Variants in SUGCT observed in about 807,000 individuals in gnomAD.
SUGCT encodes the protein succinyl-CoA:glutarate-CoA transferase.
SUGCT carries 41 observed loss-of-function variants against 55.0 expected under a neutral mutation model. The ratio of observed to expected loss-of-function variants is 0.74; its 90% CI spans 0.58 to 0.97. The LOEUF (loss-of-function observed/expected upper bound fraction) is 0.97. Among genes scored for constraint, SUGCT ranks in the 50% least tolerant of loss-of-function variants. The probability of loss-of-function intolerance (pLI) is 0.00; values close to 1 mark genes in which losing one functional copy is unlikely to be tolerated. For synonymous variants in SUGCT, 187 were observed against 200.4 expected, an observed-to-expected ratio of 0.93 and a Z score of 0.56; for missense variants, 568 against 547.8, an observed-to-expected ratio of 1.04 and a Z score of -0.37.
chr7:40,541,070 A>T (rs938929683), intron 12 of SUGCT, among the ~76,000 whole-genome samples: 1 of 152,198 alleles, frequency 6.6e-6, no homozygotes, highest in Non-Finnish European at 1.5e-5. Context: ...GGAATTGATA[A>T]TTTGGCAGTG....
the SUGCT span, among the ~76,000 whole-genome samples, chr7:40,895,045 G>T: frequency 6.6e-6 from 1 of 152,048 alleles, no homozygotes; most frequent in East Asian, 1.9e-4. Flanking sequence ...CAATAGAAAA[G>T]ACATTAAATC....
intron 13 of SUGCT, among the ~76,000 whole-genome samples, chr7:40,796,172 T>C (rs1002702967): frequency 2.0e-5 from 3 of 152,104 alleles, no homozygotes; most frequent in Non-Finnish European, 4.4e-5. Flanking sequence ...TTGAGCCCAC[T>C]AAATAGTCAG....
intron 13 of SUGCT, among the ~76,000 whole-genome samples, chr7:40,768,068 C>G (rs879207025): frequency 2.0e-5 from 3 of 152,104 alleles, no homozygotes; most frequent in Admixed American, 6.5e-5. Flanking sequence ...CAAGAATGCC[C>G]CATACTCCCT....
intron 12 of SUGCT, among the ~76,000 whole-genome samples, chr7:40,711,693 C>T (rs1051979130): frequency 6.6e-6 from 1 of 152,206 alleles, no homozygotes; most frequent in Non-Finnish European, 1.5e-5. Context: ...GTTCGCTGCT[C>T]CCTATGGAAC....
intron 12 of SUGCT, among the ~76,000 whole-genome samples, chr7:40,597,637 G>A (rs546427357): frequency 4.7e-4 from 71 of 152,254 alleles, no homozygotes; most frequent in African/African-American, 1.7e-3. Context: ...CCAGGCCAGA[G>A]CATTCTGTAT....
rs1010215760 is a variant in SUGCT at position 40,860,668 on chromosome 7, C to T, written c.*189C>T. 9 of 437,282 alleles carry T rather than the reference C, an allele frequency of 2.1e-5. No homozygotes were observed. The South Asian group carries it at 2.8e-4, about 14-fold the overall frequency. The allele number at this position is 437,282 out of a possible 1,614,324, so 27.1% of individuals were successfully genotyped here. A position where few individuals can be genotyped will look rare whatever the true frequency, so the allele number is the denominator to read the frequency against. On this transcript the variant is annotated 3_prime_UTR_variant, in exon 14 of 14. Coordinates refer to ENST00000335693, the MANE Select transcript of SUGCT (RefSeq NM_001193313.2). The stretch of plus-strand genomic sequence containing the variant: ...TCTAGTGCCTTTTAAATGTATCCCA[C>T]GTTTTGTTCCCTACCATCTTTTTTT...
chr7:40,720,757 G>A (rs1584334470), intron 12 of SUGCT, among the ~76,000 whole-genome samples: 1 of 152,186 alleles, frequency 6.6e-6, no homozygotes, highest in Non-Finnish European at 1.5e-5. Context: ...CTCCTTGAAT[G>A]TATATATTTT....
At chr7:40,623,809 T>C (rs1799387943) in intron 12 of SUGCT, among the ~76,000 whole-genome samples, 1 of 152,212 alleles carries the variant, frequency 6.6e-6, no homozygotes, top group South Asian at 2.1e-4. Flanking sequence ...TTTTGTAAGC[T>C]TTTATAATGA....
intron 5 of SUGCT, among the ~76,000 whole-genome samples, chr7:40,193,746 G>C (rs1302258104): frequency 6.6e-6 from 1 of 151,188 alleles, no homozygotes; most frequent in Admixed American, 6.6e-5. Context: ...TTACAGGCAT[G>C]TGCCACCACA....
intron 9 of SUGCT, among the ~76,000 whole-genome samples, chr7:40,442,771 G>C (rs149242861): frequency 6.6e-6 from 1 of 151,976 alleles, no homozygotes; most frequent in Non-Finnish European, 1.5e-5. Flanking sequence ...TGTTTACAAC[G>C]TGCAGGTTTG....
chr7:40,388,666 G>A (rs1434592609), intron 9 of SUGCT, among the ~76,000 whole-genome samples: 3 of 152,048 alleles, frequency 2.0e-5, no homozygotes, highest in South Asian at 2.1e-4. Flanking sequence ...TGTGCCTGCC[G>A]TGGCCTCCCA....
chr7:40,657,848 A>G (rs777449254), intron 12 of SUGCT, among the ~76,000 whole-genome samples: 5 of 152,166 alleles, frequency 3.3e-5, no homozygotes. Context: ...AGTAGATTTT[A>G]TAATCCCCAT....
chr7:41,001,447 A>T, the SUGCT span, among the ~76,000 whole-genome samples: 1 of 152,196 alleles, frequency 6.6e-6, no homozygotes, highest in Admixed American at 6.5e-5. Context: ...AGAGTCTACT[A>T]AGAAAAATGG....
At chr7:40,801,421 G>T (rs1460545161) in intron 13 of SUGCT, among the ~76,000 whole-genome samples, 1 of 152,156 alleles carries the variant, frequency 6.6e-6, no homozygotes, top group African/African-American at 2.4e-5. Context: ...ATTTCAAAAA[G>T]GATAGAGAGA....
intron 9 of SUGCT, among the ~76,000 whole-genome samples, chr7:40,337,767 A>G (rs1239816865): frequency 6.6e-6 from 1 of 151,906 alleles, no homozygotes; most frequent in Non-Finnish European, 1.5e-5. Flanking sequence ...TACTATTGTT[A>G]TATGTGAATT....
At chr7:40,353,569 AT>A (rs1797743584) in intron 9 of SUGCT, among the ~76,000 whole-genome samples, 1 of 152,168 alleles carries the variant, frequency 6.6e-6, no homozygotes, top group South Asian at 2.1e-4. Context: ...AATAAAGATA[AT>A]TTTAGTGTTG....
intron 6 of SUGCT, among the ~76,000 whole-genome samples, chr7:40,237,311 G>A (rs533338764): frequency 6.6e-6 from 1 of 151,932 alleles, no homozygotes; most frequent in African/African-American, 2.4e-5. Flanking sequence ...GGGTGTGATG[G>A]TGCACGCCTG....
chr7:40,762,730 G>A (rs1788594081), intron 13 of SUGCT, among the ~76,000 whole-genome samples: 1 of 152,030 alleles, frequency 6.6e-6, no homozygotes. Flanking sequence ...TATAATTCAG[G>A]TTGCCTGAAG....
At chr7:40,153,630 G>T in intron 1 of SUGCT, 4 of 522,688 alleles carry the variant, frequency 7.7e-6, no homozygotes, top group South Asian at 5.6e-5. Context: ...TATAATAGTC[G>T]ATCCAATGTG....
Sources: allele counts gnomAD v4.1 joint callset (sites outside exome capture counted in the v4.1 genomes callset), GRCh38; gene constraint gnomAD v4.1.1; transcripts MANE v1.5; gene names NCBI Gene and HGNC (gene_info 2026-07-23, HGNC 2026-07-21).